GSE1: variants seen among roughly 807,000 people sequenced by gnomAD.
GSE1 encodes the protein genetic suppressor element 1.
A neutral mutation model predicts 112.6 loss-of-function variants in GSE1; 32 were observed. The observed-to-expected ratio is 0.28, with a 90% confidence interval of 0.21 to 0.38. GSE1 has a LOEUF of 0.38. Among genes scored for constraint, GSE1 ranks in the 10% least tolerant of loss-of-function variants. The pLI, the probability that GSE1 is intolerant of heterozygous loss-of-function variation, is 1.00. For missense variants in GSE1, 2,348 were observed against 1,699.2 expected, an observed-to-expected ratio of 1.38 and a Z score of -6.71; for synonymous variants, 1,115 against 735.6, an observed-to-expected ratio of 1.52 and a Z score of -8.35.
intron 1 of GSE1, among the ~76,000 whole-genome samples, chr16:85,559,577 C>T (rs974849073): frequency 5.9e-5 from 9 of 152,240 alleles, no homozygotes; most frequent in African/African-American, 2.2e-4. Flanking sequence ...AGTTCACAGT[C>T]AGGCTGGCAT....
intron 1 of GSE1, among the ~76,000 whole-genome samples, chr16:85,575,597 G>A (rs186599456): frequency 1.4e-4 from 21 of 152,044 alleles, no homozygotes; most frequent in African/African-American, 4.3e-4. Context: ...TTTTCATGAC[G>A]GGCGGGAGGG....
rs768150861 is a variant in GSE1, at chr16:85,198,945, AT to A, written c.2283+27153del. Among the ~76,000 whole-genome samples, 1,094 of 139,576 alleles carry A rather than the reference AT, an allele frequency of 7.8e-3. 2 individuals carry two copies. Among genetic ancestry groups the A allele is most frequent in the African/African-American group, 0.016 (599 of 38,114 alleles). 91.6% of individuals were successfully genotyped at this position (139,576 alleles called of 152,430 possible). On this transcript the variant is annotated intron_variant, in intron 1 of 2. Transcript: ENST00000637419. ...AGGCATGCACCACCACACCCGGCTA[AT>A]TTTTTTTTTTTTTTGGGAGACGGAG...
chr16:85,545,213 G>T (rs575879018), intron 2 of GSE1, among the ~76,000 whole-genome samples: 1 of 152,322 alleles, frequency 6.6e-6, no homozygotes, highest in East Asian at 1.9e-4. Context: ...CAACACAGTC[G>T]CTGTCTGATT....
intron 8 of GSE1, among the ~76,000 whole-genome samples, chr16:85,659,987 G>T (rs1036079475): frequency 6.6e-6 from 1 of 152,240 alleles, no homozygotes; most frequent in Non-Finnish European, 1.5e-5. Flanking sequence ...TCATTTCACA[G>T]TGGGTTTGGC....
At chr16:85,256,566 G>A (rs1369099468) in intron 1 of GSE1, among the ~76,000 whole-genome samples, 1 of 152,256 alleles carries the variant, frequency 6.6e-6, no homozygotes, top group Non-Finnish European at 1.5e-5. Context: ...GCCTGATCCA[G>A]CACCTGGCCC....
At chr16:85,664,924 C>G (rs1304920555) in intron 11 of GSE1, 91 bp from the exon 12 acceptor site, 2 of 858,050 alleles carry the variant, frequency 2.3e-6, no homozygotes, top group African/African-American at 3.3e-5. Context: ...AGTGCTTTGC[C>G]TGCCCCTCAA....
At chr16:85,426,834 A>T (rs1392882308) in intron 2 of GSE1, among the ~76,000 whole-genome samples, 1 of 152,192 alleles carries the variant, frequency 6.6e-6, no homozygotes, top group Non-Finnish European at 1.5e-5. Context: ...GCTTCAGCCC[A>T]CTTCTGGTGG....
chr16:85,343,685 G>A (rs2046671899), intron 1 of GSE1, among the ~76,000 whole-genome samples: 2 of 152,122 alleles, frequency 1.3e-5, no homozygotes. Context: ...AGGAGGTTGG[G>A]GCTGCAGTGA....
At chr16:85,194,284 G>C (rs2074885188) in intron 1 of GSE1, among the ~76,000 whole-genome samples, 1 of 152,196 alleles carries the variant, frequency 6.6e-6, no homozygotes, top group African/African-American at 2.4e-5. Context: ...CTAGTCCTGG[G>C]ATGCTGGTTC....
intron 1 of GSE1, among the ~76,000 whole-genome samples, chr16:85,280,895 A>T (rs2044838197): frequency 6.6e-6 from 1 of 152,106 alleles, no homozygotes; most frequent in African/African-American, 2.4e-5. Flanking sequence ...GGTGACAAGG[A>T]GAGGGTCCCG....
chr16:85,268,777 G>T (rs983738576), intron 1 of GSE1, among the ~76,000 whole-genome samples: 1 of 152,154 alleles, frequency 6.6e-6, no homozygotes, highest in African/African-American at 2.4e-5. Flanking sequence ...TTCCCTCTGT[G>T]CCCAGCCTCC....
intron 1 of GSE1, among the ~76,000 whole-genome samples, chr16:85,284,078 T>G (rs1405143657): frequency 6.6e-6 from 1 of 152,150 alleles, no homozygotes; most frequent in Admixed American, 6.5e-5. Context: ...CCCGTGGCTG[T>G]GGCATGCGTG....
At chr16:85,400,260 TGTGTG>T (rs2048068694) in intron 2 of GSE1, among the ~76,000 whole-genome samples, 2 of 149,608 alleles carry the variant, frequency 1.3e-5, no homozygotes, top group East Asian at 4.0e-4. Context: ...TGTGTGTGTG[TGTGTG>T]TGTGTGTGTG....
intron 2 of GSE1, among the ~76,000 whole-genome samples, chr16:85,520,762 A>G (rs2052156705): frequency 1.3e-5 from 2 of 152,106 alleles, no homozygotes; most frequent in South Asian, 4.2e-4. Flanking sequence ...AGAAGCCAAG[A>G]CTACCCAACA....
chr16:85,269,349 G>A lies in GSE1; in HGVS notation c.2284-88114G>A, dbSNP rs1156594589. On this transcript the variant is annotated intron_variant, in intron 1 of 2. Coordinates refer to the GSE1 transcript ENST00000637419. ...CAGCATCAGAGGCAGGCTGGGAGGCGAGCGTAATTGACTTGTAACATACAG... is the reference window on the plus strand; with the variant it reads ...CAGCATCAGAGGCAGGCTGGGAGGCAAGCGTAATTGACTTGTAACATACAG... Among the ~76,000 whole-genome samples the A allele has an allele frequency of 2.7e-5, 4 of 149,316 alleles. 1 individual carries two copies. The highest frequency in any genetic ancestry group is 6.0e-5 in the Non-Finnish European group (4 of 66,232).
Position 85,268,926 on chromosome 16 carries a change from T to A in GSE1, c.2284-88537T>A, listed in dbSNP as rs1908545662. 1.6e-5 allele frequency among the ~76,000 whole-genome samples: 2 copies of A among 125,932 alleles called. 1 individual carries two copies. Among genetic ancestry groups the A allele is most frequent in the Non-Finnish European group, 4.0e-5 (2 of 50,596 alleles). 82.6% of individuals were successfully genotyped at this position (125,932 alleles called of 152,430 possible). On this transcript the variant is annotated intron_variant, in intron 1 of 2. Transcript: ENST00000637419. ...TGAGGGGGGACCAGGGGGCTAGGCT[T>A]GCCCCTGCCTTCTAACAGGTTCTGA...
intron 1 of GSE1, among the ~76,000 whole-genome samples, chr16:85,589,586 T>C (rs2046881323): frequency 6.6e-6 from 1 of 152,218 alleles, no homozygotes; most frequent in Non-Finnish European, 1.5e-5. Context: ...GCATCGTGCC[T>C]GAGCATGTGT....
chr16:85,558,695 A>G (rs778807423), intron 1 of GSE1, among the ~76,000 whole-genome samples: 12 of 152,168 alleles, frequency 7.9e-5, no homozygotes, highest in Non-Finnish European at 1.6e-4. Context: ...TCCCCGCATT[A>G]TAGTTTTTTT....
chr16:85,254,840 C>T (rs1488548664), intron 1 of GSE1, among the ~76,000 whole-genome samples: 4 of 152,206 alleles, frequency 2.6e-5, no homozygotes, highest in South Asian at 2.1e-4. Context: ...ATGCTATGCC[C>T]GTTTCACACC....
Sources: allele counts gnomAD v4.1 joint callset (sites outside exome capture counted in the v4.1 genomes callset), GRCh38; gene constraint gnomAD v4.1.1; transcripts MANE v1.5; gene names NCBI Gene and HGNC (gene_info 2026-07-23, HGNC 2026-07-21).